UNC13C: variants seen among roughly 807,000 people sequenced by gnomAD.
UNC13C encodes protein unc-13 homolog C.
Under a neutral mutation model 245.4 loss-of-function variants are expected in UNC13C, and 174 were observed. The observed-to-expected ratio is 0.71, with a 90% confidence interval of 0.63 to 0.80. The LOEUF (loss-of-function observed/expected upper bound fraction) is 0.80, where lower values mean the gene tolerates loss of function less well. Ranked by LOEUF, UNC13C falls within the 30% of genes least tolerant of loss-of-function variation. The probability of loss-of-function intolerance (pLI) is 0.00; values close to 1 mark genes in which losing one functional copy is unlikely to be tolerated. For synonymous variants in UNC13C, 992 were observed against 895.1 expected (o/e 1.11, Z -1.93); for missense variants, 2,829 against 2,602.9 (o/e 1.09, Z -1.89).
the UNC13C span, among the ~76,000 whole-genome samples, chr15:53,956,903 T>TGTGTGTGTGTGC: frequency 2.0e-5 from 3 of 151,646 alleles, no homozygotes; most frequent in Non-Finnish European, 4.4e-5. Flanking sequence ...TGTGTGTGTG[T>TGTGTGTGTGTGC]GTGCATGCAC....
At chr15:54,168,343 A>G (rs1381364637) in intron 4 of UNC13C, among the ~76,000 whole-genome samples, 1 of 152,156 alleles carries the variant, frequency 6.6e-6, no homozygotes, top group South Asian at 2.1e-4. Flanking sequence ...AATTTCATCG[A>G]GTTTCAACAG....
chr15:54,158,834 G>A (rs1326574407), intron 4 of UNC13C, among the ~76,000 whole-genome samples: 1 of 151,772 alleles, frequency 6.6e-6, no homozygotes, highest in Non-Finnish European at 1.5e-5. Flanking sequence ...AAAAAATTAT[G>A]TAAAGATGAG....
At chr15:53,858,464 AG>A in the UNC13C span, among the ~76,000 whole-genome samples, 15 of 150,040 alleles carry the variant, frequency 1.0e-4, no homozygotes, top group African/African-American at 3.7e-4. Flanking sequence ...TCTGTCGCCC[AG>A]GTTGGAGTGC....
intron 2 of UNC13C, among the ~76,000 whole-genome samples, chr15:54,054,557 G>T (rs1458308450): frequency 1.3e-5 from 2 of 152,114 alleles, no homozygotes; most frequent in African/African-American, 4.8e-5. Flanking sequence ...CATTAAGCTG[G>T]ATGTTCAGCA....
chr15:54,284,689 A>G (rs572988326), intron 10 of UNC13C, among the ~76,000 whole-genome samples: 2 of 152,166 alleles, frequency 1.3e-5, no homozygotes, highest in South Asian at 2.1e-4. Context: ...CTGTTCGCTG[A>G]TATCTCTCTT....
At chr15:54,125,845 C>T (rs1230025307) in intron 2 of UNC13C, among the ~76,000 whole-genome samples, 2 of 152,080 alleles carry the variant, frequency 1.3e-5, no homozygotes, top group African/African-American at 4.8e-5. Flanking sequence ...AATATTAGCA[C>T]AGATACTATT....
At chr15:54,273,456 T>C (rs1411286705) in intron 10 of UNC13C, among the ~76,000 whole-genome samples, 1 of 152,210 alleles carries the variant, frequency 6.6e-6, no homozygotes, top group Non-Finnish European at 1.5e-5. Flanking sequence ...CCATGGTATA[T>C]CATAGCCTTG....
intron 10 of UNC13C, among the ~76,000 whole-genome samples, chr15:54,267,894 G>A (rs1178209415): frequency 6.6e-6 from 1 of 151,658 alleles, no homozygotes; most frequent in Non-Finnish European, 1.5e-5. Context: ...TACATATTAG[G>A]CCTCCTGAAG....
At chr15:54,207,485 A>T (rs7170026) in intron 4 of UNC13C, among the ~76,000 whole-genome samples, 32,699 of 151,938 alleles carry the variant, frequency 0.22, 3,690 homozygotes, top group Middle Eastern at 0.29. Context: ...TGTTGAACTT[A>T]GGGGAGGGAG....
chr15:54,251,005 C>G (rs200385234), intron 8 of UNC13C, among the ~76,000 whole-genome samples: 1 of 151,550 alleles, frequency 6.6e-6, no homozygotes, highest in African/African-American at 2.4e-5. Flanking sequence ...ATCTGCCCAC[C>G]TCAGCCTCCC....
chr15:54,452,114 T>C (rs189352075), intron 19 of UNC13C, among the ~76,000 whole-genome samples: 11 of 152,356 alleles, frequency 7.2e-5, no homozygotes, highest in African/African-American at 2.6e-4. Context: ...TTGCTTAGGA[T>C]GGAGGCATCA....
intron 19 of UNC13C, among the ~76,000 whole-genome samples, chr15:54,448,820 A>C (rs1890987336): frequency 6.6e-6 from 1 of 152,062 alleles, no homozygotes; most frequent in African/African-American, 2.4e-5. Context: ...TGTCATTATG[A>C]TGTTAGCTGG....
chr15:54,458,425 T>G (rs1269503674), intron 19 of UNC13C, among the ~76,000 whole-genome samples: 6 of 152,108 alleles, frequency 3.9e-5, no homozygotes, highest in Non-Finnish European at 8.8e-5. Flanking sequence ...ATAATTTAAG[T>G]CCATTGTTTC....
the UNC13C span, among the ~76,000 whole-genome samples, chr15:53,951,097 T>C: frequency 3.3e-5 from 5 of 152,182 alleles, no homozygotes; most frequent in East Asian, 9.6e-4. Flanking sequence ...TAGGACCTCA[T>C]TTCTAAGGTC....
chr15:54,377,142 C>A (rs1238656444), intron 17 of UNC13C, among the ~76,000 whole-genome samples: 1 of 152,154 alleles, frequency 6.6e-6, no homozygotes, highest in Non-Finnish European at 1.5e-5. Flanking sequence ...CCAGAAAGAA[C>A]CAACCACCGC....
intron 13 of UNC13C, among the ~76,000 whole-genome samples, chr15:54,302,293 A>G (rs2037605857): frequency 2.0e-5 from 3 of 152,082 alleles, no homozygotes; most frequent in Admixed American, 6.5e-5. Flanking sequence ...TCTTTAGTTT[A>G]ATTAGATCCC....
chr15:53,945,986 T>C, the UNC13C span, among the ~76,000 whole-genome samples: 1 of 152,148 alleles, frequency 6.6e-6, no homozygotes, highest in African/African-American at 2.4e-5. Context: ...TATGTTCCTA[T>C]GTTTTTTATT....
chr15:54,019,509 A>G (rs1895803366), intron 2 of UNC13C, among the ~76,000 whole-genome samples: 1 of 152,232 alleles, frequency 6.6e-6, no homozygotes, highest in South Asian at 2.1e-4. Context: ...ATACTGTACT[A>G]TAACAGCTGC....
chr15:53,895,345 CAAAAAAAAAAA>C, the UNC13C span, among the ~76,000 whole-genome samples: 40 of 34,266 alleles, frequency 1.2e-3, no homozygotes, highest in African/African-American at 4.1e-3. Context: ...GATTTCATCT[CAAAAAAAAAAA>C]AAAAAAAAAA....
Sources: allele counts gnomAD v4.1 joint callset (sites outside exome capture counted in the v4.1 genomes callset), GRCh38; gene constraint gnomAD v4.1.1; transcripts MANE v1.5; gene names NCBI Gene and HGNC (gene_info 2026-07-23, HGNC 2026-07-21).